Variants in MAML2 observed in about 807,000 individuals in gnomAD.
MAML2 encodes mastermind like transcriptional coactivator 2.
A neutral mutation model predicts 96.1 loss-of-function variants in MAML2; 22 were observed. That is an observed-to-expected ratio of 0.23 (90% CI 0.16 to 0.33). MAML2 has a LOEUF of 0.33. Among genes scored for constraint, MAML2 ranks in the 10% least tolerant of loss-of-function variants. The pLI is 1.00. For synonymous variants in MAML2, 561 were observed against 521.3 expected (o/e 1.08, Z -1.04); for missense variants, 1,367 against 1,392.4 (o/e 0.98, Z 0.29).
chr11:96,331,225 G>T (rs561782073), intron 1 of MAML2, among the ~76,000 whole-genome samples: 22 of 152,256 alleles, frequency 1.4e-4, no homozygotes, highest in Admixed American at 2.6e-4. Context: ...AGCAGAGATT[G>T]TGCCACTGCA....
At position 96,342,730 on chromosome 11, in the gene MAML2, G is replaced by A. The variant is rs928147152; in HGVS notation, c.-835C>T. The A allele has an allele frequency of 6.1e-6, 2 of 327,222 alleles. No individual in the cohort carries two copies. Among genetic ancestry groups the A allele is most frequent in the Admixed American group, 4.9e-5 (1 of 20,590 alleles). 20.3% of individuals were successfully genotyped at this position (327,222 alleles called of 1,614,324 possible). On this transcript the variant is annotated 5_prime_UTR_variant, in exon 1 of 5. Coordinates refer to ENST00000524717, the MANE Select transcript of MAML2 (RefSeq NM_032427.4). The stretch of plus-strand genomic sequence containing the variant: ...CCGGTAAAATCCTCACTCCCTCTAA[G>A]GTTTCCTAGCCTTAAATGAAAAGCA...
chr11:96,295,873 CTG>C (rs1863289274), intron 1 of MAML2, among the ~76,000 whole-genome samples: 1 of 144,384 alleles, frequency 6.9e-6, no homozygotes, highest in African/African-American at 2.6e-5. Flanking sequence ...CACCCTAAAA[CTG>C]TGGATGTAAA....
At chr11:96,237,618 C>T (rs1381070629) in intron 1 of MAML2, among the ~76,000 whole-genome samples, 2 of 152,204 alleles carry the variant, frequency 1.3e-5, no homozygotes. Context: ...TAGCAGCTTT[C>T]ACATTGCTTG....
intron 2 of MAML2, among the ~76,000 whole-genome samples, chr11:96,043,585 C>T (rs1858850464): frequency 6.6e-6 from 1 of 152,198 alleles, no homozygotes; most frequent in African/African-American, 2.4e-5. Context: ...TAAAAATTTT[C>T]CCATCAGAGG....
chr11:96,086,126 A>T (rs548090627), intron 2 of MAML2, among the ~76,000 whole-genome samples: 17 of 152,264 alleles, frequency 1.1e-4, no homozygotes, highest in African/African-American at 3.6e-4. Context: ...AAGGACAGAT[A>T]CCTCCTTCAG....
intron 1 of MAML2, among the ~76,000 whole-genome samples, chr11:96,312,761 T>C (rs1281499206): frequency 6.6e-6 from 1 of 152,214 alleles, no homozygotes; most frequent in Non-Finnish European, 1.5e-5. Flanking sequence ...TGTGCAGCCA[T>C]CACACCGTCT....
intron 1 of MAML2, among the ~76,000 whole-genome samples, chr11:96,164,885 A>G (rs971400794): frequency 8.5e-5 from 13 of 152,164 alleles, no homozygotes; most frequent in African/African-American, 2.9e-4. Flanking sequence ...CATCCTTTCT[A>G]TTTTCCTCTT....
intron 2 of MAML2, among the ~76,000 whole-genome samples, chr11:96,068,159 A>G (rs554531402): frequency 2.6e-5 from 4 of 152,330 alleles, no homozygotes; most frequent in African/African-American, 9.6e-5. Flanking sequence ...AATAATGCAT[A>G]TATCACTTCA....
At chr11:96,187,437 A>G (rs931805362) in intron 1 of MAML2, among the ~76,000 whole-genome samples, 1 of 152,216 alleles carries the variant, frequency 6.6e-6, no homozygotes, top group Non-Finnish European at 1.5e-5. Context: ...CACTTAAGGA[A>G]TCACTGCTGA....
At chr11:96,317,590 C>T (rs1055044169) in intron 1 of MAML2, among the ~76,000 whole-genome samples, 6 of 152,214 alleles carry the variant, frequency 3.9e-5, no homozygotes, top group Admixed American at 1.3e-4. Context: ...TGTCCCTTCC[C>T]TCTTACTGCC....
chr11:96,109,695 G>A (rs918071515), intron 1 of MAML2, among the ~76,000 whole-genome samples: 2 of 152,176 alleles, frequency 1.3e-5, no homozygotes, highest in African/African-American at 4.8e-5. Context: ...AGGGAGAGGA[G>A]TGTGTTTCAT....
At chr11:96,118,282 T>C (rs1227722685) in intron 1 of MAML2, among the ~76,000 whole-genome samples, 1 of 150,872 alleles carries the variant, frequency 6.6e-6, no homozygotes, top group Non-Finnish European at 1.5e-5. Context: ...CCCAACCAAA[T>C]CTCATCTCAA....
chr11:96,235,348 G>A (rs1485410448), intron 1 of MAML2, among the ~76,000 whole-genome samples: 6 of 152,216 alleles, frequency 3.9e-5, no homozygotes, highest in Admixed American at 3.9e-4. Flanking sequence ...TCCAAGGACA[G>A]AGCTGAGTAG....
chr11:96,123,671 G>A (rs1280652737), intron 1 of MAML2, among the ~76,000 whole-genome samples: 1 of 152,206 alleles, frequency 6.6e-6, no homozygotes, highest in African/African-American at 2.4e-5. Flanking sequence ...GGAAACAAGG[G>A]AATTAGCAGC....
chr11:96,150,334 C>A (rs1860899362), intron 1 of MAML2, among the ~76,000 whole-genome samples: 3 of 152,232 alleles, frequency 2.0e-5, no homozygotes, highest in East Asian at 1.9e-4. Flanking sequence ...TGAGACCTTG[C>A]AAGATAAAGT....
intron 2 of MAML2, among the ~76,000 whole-genome samples, chr11:96,015,587 G>T (rs984865547): frequency 1.6e-5 from 2 of 126,258 alleles, no homozygotes; most frequent in Admixed American, 1.5e-4. Flanking sequence ...AAAAAAAAGG[G>T]GGGGGGGGCA....
intron 3 of MAML2, among the ~76,000 whole-genome samples, chr11:95,989,003 A>G (rs1050319288): frequency 4.6e-5 from 7 of 152,228 alleles, no homozygotes; most frequent in South Asian, 2.1e-4. Flanking sequence ...TCATATTTCT[A>G]TTTAATTCTG....
In MAML2 at chr11:96,132,271, T is replaced by TAATTCATTACCCATTA. The variant is rs553306458; in HGVS notation, c.514-38755_514-38754insTAATGGGTAATGAATT. 1.7e-4 allele frequency among the ~76,000 whole-genome samples: 26 copies of TAATTCATTACCCATTA among 152,338 alleles called. No individual in the cohort carries two copies. The South Asian group carries it at 5.2e-3, about 30-fold the overall frequency. On this transcript the variant is annotated intron_variant, in intron 1 of 4. Coordinates refer to ENST00000524717, the MANE Select transcript of MAML2 (RefSeq NM_032427.4). ...AGTACCTTTTACCCTTTAATTCATT[T>TAATTCATTACCCATTA]ATTCAACAAATAAGTTATTAAGGAC...
At chr11:96,264,985 G>A (rs1430235367) in intron 1 of MAML2, among the ~76,000 whole-genome samples, 1 of 152,088 alleles carries the variant, frequency 6.6e-6, no homozygotes, top group African/African-American at 2.4e-5. Context: ...GTTAGCAGAC[G>A]GTCAGGAATT....
Sources: gnomAD v4.1 joint callset for allele counts (sites outside exome capture counted in the v4.1 genomes callset) on GRCh38, gnomAD v4.1.1 for gene constraint, MANE v1.5 for transcripts, NCBI Gene and HGNC (gene_info 2026-07-23, HGNC 2026-07-21) for gene names.